DOCK2: variants seen among roughly 807,000 people sequenced by gnomAD.
DOCK2 encodes dedicator of cytokinesis protein 2.
A neutral mutation model predicts 248.9 loss-of-function variants in DOCK2; 87 were observed. The observed-to-expected ratio is 0.35, with a 90% CI of 0.29 to 0.42. The LOEUF (loss-of-function observed/expected upper bound fraction) is 0.42, where lower values mean the gene tolerates loss of function less well. DOCK2 is among the 10% of genes least tolerant of loss of function. The pLI is 1.00. For synonymous variants in DOCK2, 805 were observed against 821.6 expected (o/e 0.98, Z 0.35); for missense variants, 1,747 against 2,300.2 (o/e 0.76, Z 4.92).
chr5:169,812,598 G>A (rs1344783051), intron 26 of DOCK2, among the ~76,000 whole-genome samples: 2 of 152,194 alleles, frequency 1.3e-5, no homozygotes, highest in Non-Finnish European at 1.5e-5. Flanking sequence ...TAACCTGTCT[G>A]TATGATGAGG....
chr5:170,035,956 T>C (rs1358237849), intron 35 of DOCK2, among the ~76,000 whole-genome samples: 3 of 152,228 alleles, frequency 2.0e-5, no homozygotes, highest in African/African-American at 7.2e-5. Context: ...GGGCAGCTAC[T>C]AATCTAAATG....
At position 169,912,355 on chromosome 5, in the gene DOCK2, AT is replaced by A. The variant is rs543411472; in HGVS notation, c.2800-70710del. ...GTTCCTTGGTTGAAGGGTGGCTCTT[AT>A]TTACATGCCCTTTCTTATCATTGTC... On this transcript the variant is annotated intron_variant, in intron 27 of 51. Transcript: ENST00000520908. 1.3e-3 allele frequency among the ~76,000 whole-genome samples: 199 copies of A among 152,198 alleles called. 1 individual carries two copies. The highest frequency in any genetic ancestry group is 4.5e-3 in the African/African-American group (188 of 41,544).
At chr5:169,736,744 A>G (rs543476984) in intron 22 of DOCK2, among the ~76,000 whole-genome samples, 10 of 152,366 alleles carry the variant, frequency 6.6e-5, no homozygotes, top group African/African-American at 1.9e-4. Flanking sequence ...CCTTACATTC[A>G]GCAACAATGC....
intron 27 of DOCK2, chr5:169,864,541 T>A (rs1437639582): frequency 3.7e-6 from 4 of 1,086,384 alleles, no homozygotes; most frequent in Non-Finnish European, 5.1e-6. Context: ...CCAACTAATA[T>A]GGAAGAGCAT....
chr5:169,945,297 C>T (rs537226598), intron 27 of DOCK2, among the ~76,000 whole-genome samples: 3 of 152,304 alleles, frequency 2.0e-5, no homozygotes, highest in African/African-American at 7.2e-5. Flanking sequence ...AGGCATATAC[C>T]GAGTGGTAGT....
intron 27 of DOCK2, among the ~76,000 whole-genome samples, chr5:169,917,601 G>C (rs111377313): frequency 3.9e-4 from 59 of 152,262 alleles, no homozygotes; most frequent in African/African-American, 1.3e-3. Flanking sequence ...TTTTCTAATC[G>C]ATTGCTTGCT....
At chr5:169,724,127 C>T (rs1486749319) in intron 22 of DOCK2, among the ~76,000 whole-genome samples, 1 of 152,130 alleles carries the variant, frequency 6.6e-6, no homozygotes, top group Non-Finnish European at 1.5e-5. Flanking sequence ...TGAAGTCTGG[C>T]TGGCCATGTT....
intron 26 of DOCK2, among the ~76,000 whole-genome samples, chr5:169,838,558 G>A (rs1769736122): frequency 6.6e-6 from 1 of 152,190 alleles, no homozygotes; most frequent in Admixed American, 6.5e-5. Context: ...AAATAAAGGA[G>A]AAGGAAATCA....
intron 25 of DOCK2, among the ~76,000 whole-genome samples, chr5:169,769,551 G>A (rs1403140083): frequency 6.6e-6 from 1 of 152,202 alleles, no homozygotes; most frequent in Non-Finnish European, 1.5e-5. Flanking sequence ...TTCCCAAAGG[G>A]GGCAAAACAA....
intron 17 of DOCK2, among the ~76,000 whole-genome samples, chr5:169,713,061 T>C (rs974747055): frequency 9.2e-5 from 14 of 152,248 alleles, no homozygotes; most frequent in Admixed American, 7.9e-4. Flanking sequence ...CACAGCCTCG[T>C]CAAGGCTTCA....
intron 2 of DOCK2, among the ~76,000 whole-genome samples, chr5:169,656,009 G>A (rs1045989408): frequency 2.0e-5 from 3 of 152,170 alleles, no homozygotes; most frequent in African/African-American, 7.2e-5. Flanking sequence ...GCAAGGAGTG[G>A]ACAAGGCTGG....
At chr5:169,878,256 A>G (rs532594111) in intron 27 of DOCK2, among the ~76,000 whole-genome samples, 1 of 152,322 alleles carries the variant, frequency 6.6e-6, no homozygotes, top group Non-Finnish European at 1.5e-5. Context: ...CCAAACTTCA[A>G]TCACTCATTC....
intron 27 of DOCK2, among the ~76,000 whole-genome samples, chr5:169,967,366 T>C (rs1359441601): frequency 6.6e-6 from 1 of 152,228 alleles, no homozygotes; most frequent in Admixed American, 6.5e-5. Context: ...GCTCAGATGC[T>C]GAACAATGCT....
At chr5:169,861,728 A>G (rs2291228) in intron 27 of DOCK2, among the ~76,000 whole-genome samples, 54,607 of 151,920 alleles carry the variant, frequency 0.36, 10,821 homozygotes, top group Admixed American at 0.44. Context: ...AGAGACGACC[A>G]TTTTTGTTCA....
At chr5:169,778,696 GTGTT>G (rs1174991119) in intron 25 of DOCK2, among the ~76,000 whole-genome samples, 1 of 152,206 alleles carries the variant, frequency 6.6e-6, no homozygotes, top group African/African-American at 2.4e-5. Context: ...GGCATATCGA[GTGTT>G]TGAGCTGAAA....
At chr5:169,682,003 T>C (rs918542926) in intron 7 of DOCK2, 124 bp downstream of exon 7, 26 of 1,346,464 alleles carry the variant, frequency 1.9e-5, no homozygotes, top group Non-Finnish European at 2.5e-5. Context: ...TGACCTGAGA[T>C]GATCAGCAAC....
chr5:169,997,865 T>C (rs1369627170), intron 30 of DOCK2: 3 of 453,814 alleles, frequency 6.6e-6, no homozygotes, highest in Non-Finnish European at 1.3e-5. Flanking sequence ...AGTTCCTCTC[T>C]GGGCTTTCGC....
intron 25 of DOCK2, among the ~76,000 whole-genome samples, chr5:169,777,998 G>A (rs1326344332): frequency 6.6e-6 from 1 of 152,156 alleles, no homozygotes; most frequent in Non-Finnish European, 1.5e-5. Flanking sequence ...GGGGATACGT[G>A]AGCACACATT....
intron 26 of DOCK2, among the ~76,000 whole-genome samples, chr5:169,826,090 C>T (rs1217942462): frequency 1.3e-5 from 2 of 152,108 alleles, no homozygotes; most frequent in Non-Finnish European, 2.9e-5. Context: ...TTTCATCCAA[C>T]CATCCATCCA....
Sources: gnomAD v4.1 joint callset for allele counts (sites outside exome capture counted in the v4.1 genomes callset) on GRCh38, gnomAD v4.1.1 for gene constraint, MANE v1.5 for transcripts, NCBI Gene and HGNC (gene_info 2026-07-23, HGNC 2026-07-21) for gene names.